CNKSR3: variants seen among roughly 807,000 people sequenced by gnomAD.
The protein encoded by CNKSR3 is connector enhancer of kinase suppressor of ras 3.
CNKSR3 carries 36 observed loss-of-function variants against 67.7 expected under a neutral mutation model. That is an observed-to-expected ratio of 0.53 (90% CI 0.41 to 0.70). CNKSR3 has a LOEUF of 0.70. CNKSR3 is among the 30% of genes least tolerant of loss of function. CNKSR3 has a pLI of 0.00. For missense variants in CNKSR3, 630 were observed against 695.2 expected (o/e 0.91, Z 1.05); for synonymous variants, 281 against 271.4 (o/e 1.04, Z -0.35).
intron 1 of CNKSR3, among the ~76,000 whole-genome samples, chr6:154,468,829 T>G (rs1032642828): frequency 2.0e-5 from 3 of 152,204 alleles, no homozygotes; most frequent in African/African-American, 7.2e-5. Context: ...GTACAGAAGT[T>G]GCTTAATCCC....
At chr6:154,486,986 G>A (rs1786686407) in intron 1 of CNKSR3, among the ~76,000 whole-genome samples, 1 of 151,476 alleles carries the variant, frequency 6.6e-6, no homozygotes, top group Non-Finnish European at 1.5e-5. Context: ...CTCTTTTTTT[G>A]CGGGGGCAGG....
intron 1 of CNKSR3, among the ~76,000 whole-genome samples, chr6:154,460,364 T>C (rs915767613): frequency 6.6e-6 from 1 of 152,112 alleles, no homozygotes; most frequent in Non-Finnish European, 1.5e-5. Flanking sequence ...AACACAACAT[T>C]GACTTATATG....
chr6:154,442,397 C>CAGGT (rs1785614908), intron 2 of CNKSR3, 107 bp from the exon 3 acceptor site: 1 of 868,626 alleles, frequency 1.2e-6, no homozygotes, highest in Non-Finnish European at 1.8e-6. Context: ...CTGAAGTGGG[C>CAGGT]GGATCACGAG....
chr6:154,481,220 A>G (rs559062526), intron 1 of CNKSR3, among the ~76,000 whole-genome samples: 14 of 148,848 alleles, frequency 9.4e-5, no homozygotes, highest in Non-Finnish European at 2.1e-4. Context: ...AGTCTTACGC[A>G]TATTTGATAT....
intron 1 of CNKSR3, among the ~76,000 whole-genome samples, chr6:154,495,927 C>T (rs1316384124): frequency 6.6e-6 from 1 of 152,134 alleles, no homozygotes; most frequent in Non-Finnish European, 1.5e-5. Flanking sequence ...TGCCACGGCT[C>T]TGTCATCAAG....
At chr6:154,407,880 A>AAAAC (rs1554230758) in intron 12 of CNKSR3, among the ~76,000 whole-genome samples, 5 of 150,834 alleles carry the variant, frequency 3.3e-5, no homozygotes, top group Non-Finnish European at 5.9e-5. Flanking sequence ...TTGAAAAAAA[A>AAAAC]AAAAAAAAAA....
intron 1 of CNKSR3, among the ~76,000 whole-genome samples, chr6:154,495,330 T>C (rs1297250640): frequency 6.6e-6 from 1 of 151,590 alleles, no homozygotes; most frequent in African/African-American, 2.4e-5. Flanking sequence ...TAAACCCACA[T>C]AGCAGCTCCT....
intron 7 of CNKSR3, among the ~76,000 whole-genome samples, chr6:154,424,531 T>C (rs940211932): frequency 3.9e-5 from 6 of 152,172 alleles, no homozygotes; most frequent in African/African-American, 1.4e-4. Context: ...GGGACAGCAA[T>C]GAGACCCAAG....
At position 154,439,084 on chromosome 6, in the gene CNKSR3, C is replaced by A. The variant is rs143556370; in HGVS notation, c.507+2208G>T. ...TCCTGGCTGAATTACTCAAGTGTCACCTTCTCAAGGAGGCGGCTCTAGGCA... is the reference window on the plus strand; with the variant it reads ...TCCTGGCTGAATTACTCAAGTGTCAACTTCTCAAGGAGGCGGCTCTAGGCA... On this transcript the variant is annotated intron_variant, in intron 4 of 12. Transcript: ENST00000607772. Among the ~76,000 whole-genome samples the A allele has an allele frequency of 3.5e-4, 54 of 152,304 alleles. No homozygotes were observed. The East Asian group carries it at 8.3e-3, about 23-fold the overall frequency.
At chr6:154,426,748 T>C (rs1785265006) in intron 7 of CNKSR3, among the ~76,000 whole-genome samples, 1 of 152,126 alleles carries the variant, frequency 6.6e-6, no homozygotes, top group South Asian at 2.1e-4. Flanking sequence ...AAGAGGGAAA[T>C]TGCTTCAAGA....
intron 1 of CNKSR3, among the ~76,000 whole-genome samples, chr6:154,459,344 A>C (rs1469191273): frequency 6.6e-6 from 1 of 152,194 alleles, no homozygotes; most frequent in Non-Finnish European, 1.5e-5. Context: ...GGGAAGCCCA[A>C]CTTACAACCA....
chr6:154,500,205 T>C (rs933645080), intron 1 of CNKSR3, among the ~76,000 whole-genome samples: 3 of 151,968 alleles, frequency 2.0e-5, no homozygotes, highest in African/African-American at 7.3e-5. Flanking sequence ...ATAAAATTAC[T>C]GTGAGAACAT....
intron 6 of CNKSR3, among the ~76,000 whole-genome samples, chr6:154,429,783 A>G (rs1395253109): frequency 6.6e-6 from 1 of 151,996 alleles, no homozygotes; most frequent in Non-Finnish European, 1.5e-5. Flanking sequence ...ACATTAATGC[A>G]CACGTACTAT....
In CNKSR3 at chr6:154,430,482, C is replaced by T; in HGVS notation, c.659G>A (p.Gly220Glu). The T allele has an allele frequency of 6.2e-7, 1 of 1,609,740 alleles. No homozygotes were observed. Among genetic ancestry groups the T allele is most frequent in the East Asian group, 2.2e-5 (1 of 44,540 alleles). ...EEVHLPNIKP[G>E]EGLGMYIKST... ...GTTATTAGAACTTACCAGGCCTTCC[C>T]CAGGTTTAATGTTTGGTAAGTGAAC... The change falls in exon 6 of 13, where the codon GGG (glycine) becomes GAG (glutamate). Residue 220 changes from glycine (G) to glutamate (E), a missense_variant. Around this residue, in one of 3 missense-constraint regions of CNKSR3, gnomAD observed 133 missense variants for 190.6 expected, o/e 0.70. Coordinates refer to ENST00000607772, the MANE Select transcript of CNKSR3 (RefSeq NM_173515.4).
At chr6:154,470,426 T>C (rs1001583736) in intron 1 of CNKSR3, among the ~76,000 whole-genome samples, 2 of 152,152 alleles carry the variant, frequency 1.3e-5, no homozygotes, top group African/African-American at 4.8e-5. Flanking sequence ...CTCAAATTCC[T>C]AAGTTCAGGA....
At chr6:154,503,215 A>T (rs1787032973) in intron 1 of CNKSR3, among the ~76,000 whole-genome samples, 2 of 152,152 alleles carry the variant, frequency 1.3e-5, no homozygotes, top group African/African-American at 2.4e-5. Context: ...CCAAAAGCCC[A>T]TCTCATCCTC....
chr6:154,441,163 T>C (rs1785572236), intron 4 of CNKSR3, 129 bp downstream of exon 4: 1 of 611,180 alleles, frequency 1.6e-6, no homozygotes, highest in African/African-American at 1.9e-5. Flanking sequence ...TTCCCAGCTC[T>C]GATGGAAAAA....
At chr6:154,427,833 T>C (rs767818499) in intron 7 of CNKSR3, among the ~76,000 whole-genome samples, 8 of 152,216 alleles carry the variant, frequency 5.3e-5, no homozygotes, top group Non-Finnish European at 1.0e-4. Flanking sequence ...AAAAAGATCA[T>C]TGCTTTTGTA....
rs1340444002 is a variant in CNKSR3, at chr6:154,393,426, C to T, written c.*12928G>A. 11 of 152,208 alleles carry T rather than the reference C, an allele frequency of 7.2e-5. No individual in the cohort carries two copies. The highest frequency in any genetic ancestry group is 2.4e-4 in the African/African-American group (10 of 41,454). The allele number at this position is 152,208 out of a possible 1,614,324, so 9.4% of individuals were successfully genotyped here. ...CCCTGTGATTTTGACTTCACTTTCC[C>T]TGCTCGCTAGTGAAAATCGCTTCAC... On this transcript the variant is annotated 3_prime_UTR_variant, in exon 13 of 13. Coordinates refer to ENST00000607772, the MANE Select transcript of CNKSR3 (RefSeq NM_173515.4).
Sources: allele counts gnomAD v4.1 joint callset (sites outside exome capture counted in the v4.1 genomes callset), GRCh38; gene constraint gnomAD v4.1.1; regional missense constraint gnomAD v4.1.1; transcripts MANE v1.5; gene names NCBI Gene and HGNC (gene_info 2026-07-23, HGNC 2026-07-21).